Variants in TBC1D5 observed in about 807,000 individuals in gnomAD.
TBC1D5 encodes TBC1 domain family, member 5.
Under a neutral mutation model 100.3 loss-of-function variants are expected in TBC1D5, and 75 were observed. The ratio of observed to expected loss-of-function variants is 0.75; its 90% CI spans 0.62 to 0.91. The LOEUF (loss-of-function observed/expected upper bound fraction) is 0.91. Ranked by LOEUF, TBC1D5 falls within the 40% of genes least tolerant of loss-of-function variation. The pLI is 0.00. For missense variants in TBC1D5, 910 were observed against 942.4 expected, an observed-to-expected ratio of 0.97 and a Z score of 0.45; for synonymous variants, 323 against 325.6, an observed-to-expected ratio of 0.99 and a Z score of 0.09.
chr3:17,611,411 A>C (rs2061660207), intron 2 of TBC1D5, among the ~76,000 whole-genome samples: 1 of 152,204 alleles, frequency 6.6e-6, no homozygotes, highest in Admixed American at 6.5e-5. Flanking sequence ...ATTTTAAAAG[A>C]AGAGGCCTAG....
intron 2 of TBC1D5, among the ~76,000 whole-genome samples, chr3:17,593,979 A>G (rs976554038): frequency 6.6e-6 from 1 of 152,168 alleles, no homozygotes; most frequent in Non-Finnish European, 1.5e-5. Context: ...CCACTCACCA[A>G]TCACCCCTAG....
In TBC1D5 at chr3:17,429,710, T is replaced by G. The variant is rs114024127; in HGVS notation, c.98-1191A>C. 2.0e-5 allele frequency among the ~76,000 whole-genome samples: 3 copies of G among 151,930 alleles called. No individual in the cohort carries two copies. In the South Asian group the frequency reaches 6.2e-4, roughly 31 times the overall value. On this transcript the variant is annotated intron_variant, in intron 3 of 21. Coordinates refer to ENST00000253692, the Ensembl canonical transcript of TBC1D5. ...TTATATAATTATGCTACTCATTAAA[T>G]GGTGACTGAATGCTGAAATGTAATT...
Position 17,428,511 on chromosome 3 carries a change from T to C in TBC1D5, c.106A>G (p.Asn36Asp), listed in dbSNP as rs370169806. 6.5e-5 allele frequency: 98 copies of C among 1,505,586 alleles called. No individual in the cohort carries two copies. The highest frequency in any genetic ancestry group is 2.3e-4 in the Middle Eastern group (1 of 4,418). 93.3% of individuals were successfully genotyped at this position (1,505,586 alleles called of 1,614,324 possible). The change falls in exon 4 of 22, where the codon AAT (asparagine) becomes GAT (aspartate). Residue 36 changes from asparagine to aspartate, a missense_variant. Transcript: ENST00000253692. ...GAACTTGTTCTTCTTCCATTTTTAT[T>C]TGAATCTCCTGGAGAAAAAAATTAC...
rs556401206 is a variant in TBC1D5 at position 17,706,174 on chromosome 3, G to A, written c.-101+33169C>T. 153 of 1,565,080 alleles carry A rather than the reference G, an allele frequency of 9.8e-5. No homozygotes were observed. In the African/African-American group the frequency reaches 1.7e-3, roughly 18 times the overall value. On this transcript the variant is annotated intron_variant, in intron 1 of 21. Transcript: ENST00000253692. ...TTGATGGGGGAGACATCGGCAGGCA[G>A]CCGCTCGAAGGGCCTCTTCTCCGGC...
chr3:17,388,244 T>C (rs2093231084), intron 8 of TBC1D5, among the ~76,000 whole-genome samples: 1 of 152,066 alleles, frequency 6.6e-6, no homozygotes, highest in African/African-American at 2.4e-5. Flanking sequence ...TACACAATAA[T>C]AACAAGAGCC....
intron 2 of TBC1D5, among the ~76,000 whole-genome samples, chr3:17,527,455 C>A (rs1038785834): frequency 6.6e-6 from 1 of 152,144 alleles, no homozygotes; most frequent in South Asian, 2.1e-4. Context: ...GACTTTCATA[C>A]ACAGTGGCAT....
At chr3:17,493,826 T>C (rs1033046793) in intron 3 of TBC1D5, among the ~76,000 whole-genome samples, 1 of 152,202 alleles carries the variant, frequency 6.6e-6, no homozygotes, top group Non-Finnish European at 1.5e-5. Flanking sequence ...ACAACTCCTG[T>C]AATATTTTAT....
At chr3:17,532,313 G>A (rs1176612044) in intron 2 of TBC1D5, among the ~76,000 whole-genome samples, 3 of 152,136 alleles carry the variant, frequency 2.0e-5, no homozygotes, top group East Asian at 1.9e-4. Flanking sequence ...TTAGAATGGA[G>A]ATCATTAAAA....
intron 3 of TBC1D5, among the ~76,000 whole-genome samples, chr3:17,458,467 G>A (rs2095137041): frequency 6.6e-6 from 1 of 152,188 alleles, no homozygotes; most frequent in African/African-American, 2.4e-5. Context: ...AAGCCTGCAA[G>A]AGGGTGTGGG....
chr3:17,258,728 G>A (rs977714763), intron 15 of TBC1D5, 137 bp from the exon 16 acceptor site: 7 of 543,996 alleles, frequency 1.3e-5, no homozygotes, highest in East Asian at 3.5e-5. Context: ...GTGTGATTGG[G>A]TTTTGCTTTT....
rs574820275 is a variant in TBC1D5, at chr3:17,549,574, C to T, written c.-35-40969G>A. On this transcript the variant is annotated intron_variant, in intron 2 of 21. Coordinates refer to ENST00000253692, the Ensembl canonical transcript of TBC1D5. ...TTTATTAAAAGTTGCAAAAGTCATA[C>T]TATAAAATTCAACAAATATGTAACA... Among the ~76,000 whole-genome samples the T allele has an allele frequency of 2.0e-5, 3 of 152,240 alleles. No individual in the cohort carries two copies. The South Asian group carries it at 6.2e-4, about 32-fold the overall frequency.
chr3:17,535,650 A>T (rs2096274434), intron 2 of TBC1D5, among the ~76,000 whole-genome samples: 2 of 152,192 alleles, frequency 1.3e-5, no homozygotes, highest in South Asian at 4.1e-4. Context: ...TCCAAAGATT[A>T]AAATAAAAAT....
chr3:17,620,188 G>A (rs1301470614), intron 2 of TBC1D5, among the ~76,000 whole-genome samples: 1 of 152,136 alleles, frequency 6.6e-6, no homozygotes, highest in Non-Finnish European at 1.5e-5. Flanking sequence ...ACCCAGATTG[G>A]AGTGTAATAG....
chr3:17,166,037 T>C (rs1368393467), intron 21 of TBC1D5, among the ~76,000 whole-genome samples: 1 of 152,198 alleles, frequency 6.6e-6, no homozygotes, highest in Non-Finnish European at 1.5e-5. Flanking sequence ...TTCTGTGGTT[T>C]TGTGTTAAAA....
intron 13 of TBC1D5, among the ~76,000 whole-genome samples, chr3:17,321,624 A>G (rs1480330771): frequency 1.3e-5 from 2 of 152,226 alleles, no homozygotes; most frequent in Non-Finnish European, 2.9e-5. Flanking sequence ...CAAAACCAAT[A>G]GGTTCTAATC....
chr3:17,657,331 T>C (rs1358943401), intron 1 of TBC1D5, among the ~76,000 whole-genome samples: 1 of 46,050 alleles, frequency 2.2e-5, no homozygotes, highest in African/African-American at 4.6e-5. Context: ...AATTCTTTCT[T>C]TTTTTTTTTT....
At chr3:17,296,683 G>C (rs7652932) in intron 14 of TBC1D5, among the ~76,000 whole-genome samples, 3 of 152,180 alleles carry the variant, frequency 2.0e-5, no homozygotes, top group Non-Finnish European at 4.4e-5. Context: ...TGTCTTTCTG[G>C]GTTTTCTTCC....
intron 1 of TBC1D5, among the ~76,000 whole-genome samples, chr3:17,636,149 T>A (rs2063897733): frequency 6.6e-6 from 1 of 151,986 alleles, no homozygotes; most frequent in Non-Finnish European, 1.5e-5. Flanking sequence ...ATTTCGCTGC[T>A]GTACTCTAGC....
At chr3:17,707,970 C>T (rs141583543) in intron 1 of TBC1D5, among the ~76,000 whole-genome samples, 2 of 152,266 alleles carry the variant, frequency 1.3e-5, no homozygotes, top group East Asian at 1.9e-4. Flanking sequence ...ATGACATTCA[C>T]GTTATGCAAT....
Sources: allele counts gnomAD v4.1 joint callset (sites outside exome capture counted in the v4.1 genomes callset), GRCh38; gene constraint gnomAD v4.1.1; transcripts MANE v1.5; gene names NCBI Gene and HGNC (gene_info 2026-07-23, HGNC 2026-07-21).